The following NAXD variants were observed in gnomAD, a reference collection of about 807,000 sequenced individuals.
NAXD encodes the protein ATP-dependent (S)-NAD(P)H-hydrate dehydratase.
In NAXD, 22 loss-of-function variants were observed where a neutral mutation model predicts 35.8. The observed-to-expected ratio is 0.62, with a 90% CI of 0.44 to 0.88. The LOEUF is 0.88. Ranked by LOEUF, NAXD falls within the 40% of genes least tolerant of loss-of-function variation. The pLI, the probability that NAXD is intolerant of heterozygous loss-of-function variation, is 0.00. For synonymous variants in NAXD, 189 were observed against 177.6 expected (o/e 1.06, Z -0.51); for missense variants, 428 against 437.7 (o/e 0.98, Z 0.20).
chr13:110,635,337 C>A, intron 7 of NAXD, 131 bp from the exon 8 acceptor site: 1 of 1,063,076 alleles, frequency 9.4e-7, no homozygotes, highest in Non-Finnish European at 1.4e-6. Flanking sequence ...ACCTACATGG[C>A]CTTTAACAGG....
chr13:110,625,963 A>G (rs330560), intron 4 of NAXD, among the ~76,000 whole-genome samples: 58,622 of 152,022 alleles, frequency 0.39, 11,921 homozygotes, highest in Admixed American at 0.5. Context: ...GCAGAGGGGC[A>G]GTTGGGGCGG....
intron 5 of NAXD, among the ~76,000 whole-genome samples, chr13:110,633,407 C>T (rs1004625663): frequency 1.3e-5 from 2 of 152,332 alleles, no homozygotes; most frequent in South Asian, 2.1e-4. Flanking sequence ...CCGCTCGCGC[C>T]TCTCCCTCCA....
chr13:110,618,271 G>C (rs1886132698), intron 1 of NAXD, among the ~76,000 whole-genome samples: 2 of 152,062 alleles, frequency 1.3e-5, no homozygotes, highest in Non-Finnish European at 2.9e-5. Flanking sequence ...TCTGGATGGC[G>C]CTTCTTGTTC....
intron 5 of NAXD, among the ~76,000 whole-genome samples, chr13:110,630,624 T>C (rs1886664550): frequency 6.6e-6 from 1 of 152,200 alleles, no homozygotes; most frequent in African/African-American, 2.4e-5. Flanking sequence ...CAAGGTTTAC[T>C]CCTACATGTT....
intron 5 of NAXD, among the ~76,000 whole-genome samples, chr13:110,633,125 G>C (rs1339329952): frequency 6.6e-6 from 1 of 152,180 alleles, no homozygotes; most frequent in East Asian, 1.9e-4. Flanking sequence ...AGCCCATGGA[G>C]GGGGTGGGAG....
intron 1 of NAXD, among the ~76,000 whole-genome samples, chr13:110,618,793 G>A (rs968476572): frequency 8.5e-5 from 13 of 152,180 alleles, no homozygotes; most frequent in African/African-American, 3.1e-4. Context: ...GGTTTTAAGC[G>A]TATCCTTGCC....
intron 3 of NAXD, 134 bp downstream of exon 3, chr13:110,624,413 G>A (rs1050775771): frequency 6.3e-6 from 4 of 635,938 alleles, no homozygotes; most frequent in African/African-American, 1.8e-5. Flanking sequence ...TAGAAACACC[G>A]TTAAGTCTAT....
At chr13:110,626,005 C>T (rs1311580563) in intron 4 of NAXD, among the ~76,000 whole-genome samples, 2 of 152,088 alleles carry the variant, frequency 1.3e-5, no homozygotes, top group African/African-American at 2.4e-5. Context: ...GGGTCGAGCC[C>T]GGCCTCTCCA....
At chr13:110,637,675 C>T (rs1886985000) in intron 9 of NAXD, 1 of 434,288 alleles carries the variant, frequency 2.3e-6, no homozygotes, top group Non-Finnish European at 4.6e-6. Context: ...GGGCCCTTGG[C>T]CCAGTTCTGT....
At position 110,624,252 on chromosome 13, in the gene NAXD, T is replaced by G. The variant is rs780346757; in HGVS notation, c.216T>G (p.Tyr72Ter). ...TTTTTAGGTACACTGGAGCCCCATA[T>G]TTTGCAGCAATCTCAGCTCTCAAAG... is the stretch of plus-strand genomic sequence containing the variant. ...GGCQEYTGAPYFAAISALKVG... is the reference protein window; with the variant it reads ...GGCQEYTGAP The change falls in exon 3 of 10, where the codon TAT becomes TAG. Residue 72 changes from tyrosine to a stop codon, truncating the protein, a stop_gained. Transcript: ENST00000680254. LOFTEE classifies it high-confidence loss of function. 7 of 1,609,582 alleles carry G rather than the reference T, an allele frequency of 4.3e-6. No individual in the cohort carries two copies. The highest frequency in any genetic ancestry group is 5.1e-6 in the Non-Finnish European group (6 of 1,176,676).
exon 10 of NAXD, chr13:110,639,991 TTTAAA>T (rs772165111): frequency 2.0e-5 from 3 of 152,258 alleles, no homozygotes; most frequent in Non-Finnish European, 4.4e-5. Context: ...ATCTGGTTAA[TTTAAA>T]TTGAGTATTG....
intron 1 of NAXD, among the ~76,000 whole-genome samples, chr13:110,620,897 C>T (rs1444756224): frequency 6.6e-6 from 1 of 152,154 alleles, no homozygotes; most frequent in African/African-American, 2.4e-5. Flanking sequence ...TGCAAAGATC[C>T]TTTCATTCTA....
intron 5 of NAXD, among the ~76,000 whole-genome samples, chr13:110,629,971 A>T (rs1368826113): frequency 1.3e-5 from 2 of 151,944 alleles, no homozygotes; most frequent in Non-Finnish European, 2.9e-5. Context: ...CTGGCAGCTG[A>T]TGCTGTTGAG....
chr13:110,626,822 C>T (rs960152765), intron 4 of NAXD, among the ~76,000 whole-genome samples: 17 of 152,126 alleles, frequency 1.1e-4, no homozygotes, highest in African/African-American at 2.7e-4. Context: ...GAGGTCACAC[C>T]GAACAGGAAG....
chr13:110,625,173 T>A lies in NAXD; in HGVS notation c.244-17T>A. 1.2e-6 allele frequency: 2 copies of A among 1,606,988 alleles called. No individual in the cohort carries two copies. The highest frequency in any genetic ancestry group is 1.7e-6 in the Non-Finnish European group (2 of 1,173,628). On this transcript the variant is annotated splice_polypyrimidine_tract_variant and intron_variant, in intron 3 of 9. Transcript: ENST00000680254. ...CCGGAGCGATCCCTGAGTCGGCCTC[T>A]TGTGCTCCTTCATCAGGGCGCAGAC...
chr13:110,616,914 A>G (rs1392235027), intron 1 of NAXD, among the ~76,000 whole-genome samples: 1 of 152,186 alleles, frequency 6.6e-6, no homozygotes, highest in African/African-American at 2.4e-5. Context: ...TTTCATCAGC[A>G]CACACTGAGA....
At chr13:110,630,700 T>C (rs771311637) in intron 5 of NAXD, among the ~76,000 whole-genome samples, 2 of 152,190 alleles carry the variant, frequency 1.3e-5, no homozygotes, top group Admixed American at 6.5e-5. Context: ...GCTGGTGTGG[T>C]AGGAGGAGGC....
intron 5 of NAXD, among the ~76,000 whole-genome samples, chr13:110,632,525 T>C (rs1001887609): frequency 3.1e-4 from 47 of 152,138 alleles, no homozygotes; most frequent in Non-Finnish European, 5.1e-4. Flanking sequence ...CTGATTGGTG[T>C]GTTTACAATC....
Position 110,639,245 on chromosome 13 carries a change from G to GA in NAXD, c.*717_*718insA. Reference sequence around the variant, plus strand: ...CTGTCCCACGCTCTCCGGTGTCCGTGTCTACACAGGGGTCCCCATGATACC... The same window carrying GA: ...CTGTCCCACGCTCTCCGGTGTCCGTGATCTACACAGGGGTCCCCATGATACC... On this transcript the variant is annotated 3_prime_UTR_variant, in exon 10 of 10. Coordinates refer to ENST00000680254, the MANE Select transcript of NAXD (RefSeq NM_001242882.2). The GA allele has an allele frequency of 1.3e-5, 2 of 155,954 alleles. No individual in the cohort carries two copies. Among genetic ancestry groups the GA allele is most frequent in the Admixed American group, 6.2e-5 (1 of 16,012 alleles). 9.7% of individuals were successfully genotyped at this position (155,954 alleles called of 1,614,324 possible). A position where few individuals can be genotyped will look rare whatever the true frequency, so the allele number is the denominator to read the frequency against.
Sources: gnomAD v4.1 joint callset for allele counts (sites outside exome capture counted in the v4.1 genomes callset) on GRCh38, gnomAD v4.1.1 for gene constraint, MANE v1.5 for transcripts, NCBI Gene and HGNC (gene_info 2026-07-23, HGNC 2026-07-21) for gene names.